COL5A2: variants seen among roughly 807,000 people sequenced by gnomAD.
COL5A2 encodes collagen type V alpha 2 chain.
COL5A2 carries 23 observed loss-of-function variants against 208.2 expected under a neutral mutation model. That is an observed-to-expected ratio of 0.11 (90% CI 0.08 to 0.16). The LOEUF (loss-of-function observed/expected upper bound fraction) is 0.16. COL5A2 is among the 10% of genes least tolerant of loss of function. COL5A2 has a pLI of 1.00. For synonymous variants in COL5A2, 625 were observed against 628.5 expected (o/e 0.99, Z 0.08); for missense variants, 1,590 against 1,956.4 (o/e 0.81, Z 3.53).
At chr2:189,058,028 A>G (rs1481146947) in intron 33 of COL5A2, among the ~76,000 whole-genome samples, 2 of 152,328 alleles carry the variant, frequency 1.3e-5, no homozygotes, top group Non-Finnish European at 2.9e-5. Context: ...ATTTTCACAT[A>G]TGTAGTAAGC....
chr2:189,390,172 G>A, the COL5A2 span, among the ~76,000 whole-genome samples: 1 of 151,862 alleles, frequency 6.6e-6, no homozygotes, highest in Non-Finnish European at 1.5e-5. Flanking sequence ...CTGCCTGTGT[G>A]TTGAACTGTA....
At chr2:189,210,017 G>C (rs1440713049) in intron 1 of COL5A2, among the ~76,000 whole-genome samples, 2 of 152,140 alleles carry the variant, frequency 1.3e-5, no homozygotes, top group African/African-American at 4.8e-5. Context: ...AAAAGAGTGA[G>C]CTGAGTTTTC....
the COL5A2 span, among the ~76,000 whole-genome samples, chr2:189,295,520 C>A: frequency 6.6e-6 from 1 of 152,116 alleles, no homozygotes; most frequent in Non-Finnish European, 1.5e-5. Flanking sequence ...GAGGCTGAGG[C>A]AGGAGAATCA....
At chr2:189,148,711 T>A (rs1688087684) in intron 1 of COL5A2, among the ~76,000 whole-genome samples, 1 of 152,226 alleles carries the variant, frequency 6.6e-6, no homozygotes, top group African/African-American at 2.4e-5. Context: ...TAGGTGAATC[T>A]TCATTTTTCC....
At position 189,063,269 on chromosome 2, in the gene COL5A2, C is replaced by A. The variant is rs77243400; in HGVS notation, c.1772G>T (p.Gly591Val). The A allele has an allele frequency of 1.9e-6, 3 of 1,613,304 alleles. No individual in the cohort carries two copies. Among genetic ancestry groups the A allele is most frequent in the Non-Finnish European group, 2.5e-6 (3 of 1,179,570 alleles). Residue 591 changes from glycine (G) to valine (V), a missense_variant and splice_region_variant, in exon 27 of 54, where the codon GGT becomes GTT. Coordinates refer to ENST00000374866, the MANE Select transcript of COL5A2 (RefSeq NM_000393.5). ...TGGACGGCCATCTTCCCCTGGCGCA[C>A]CCTATAGAATTGACAGGAGCCATGT... Reference protein sequence around the residue: ...QGPEGKLGPLGAPGEDGRPGP... With the variant: ...QGPEGKLGPLVAPGEDGRPGP...
chr2:189,144,018 C>G (rs573574919), intron 1 of COL5A2, among the ~76,000 whole-genome samples: 1 of 152,024 alleles, frequency 6.6e-6, no homozygotes, highest in East Asian at 1.9e-4. Context: ...ATCTGTTTCC[C>G]AGATCTTTAG....
rs1285123009 is a variant in COL5A2 at position 189,098,814 on chromosome 2, A to G, written c.370-55T>C. 1.8e-5 allele frequency: 23 copies of G among 1,294,758 alleles called. No individual in the cohort carries two copies. The Admixed American group carries it at 3.9e-4, about 22-fold the overall frequency. 80.2% of individuals were successfully genotyped at this position (1,294,758 alleles called of 1,614,324 possible). A position where few individuals can be genotyped will look rare whatever the true frequency, so the allele number is the denominator to read the frequency against. ...GTAAAGTTTCTGCAGATATTCAGAGAGGTCAATAGTAACAAATAAGAATAA... is the reference window on the plus strand; with the variant it reads ...GTAAAGTTTCTGCAGATATTCAGAGGGGTCAATAGTAACAAATAAGAATAA... On this transcript the variant is annotated intron_variant, in intron 4 of 53. Coordinates refer to ENST00000374866, the MANE Select transcript of COL5A2 (RefSeq NM_000393.5).
rs1685670136 is a variant in COL5A2, at chr2:189,046,467, T to C, written c.3202-560A>G. Among the ~76,000 whole-genome samples, 3 of 152,190 alleles carry C rather than the reference T, an allele frequency of 2.0e-5. 1 individual carries two copies. In the South Asian group the frequency reaches 6.2e-4, roughly 32 times the overall value. On this transcript the variant is annotated intron_variant, in intron 45 of 53. Coordinates refer to ENST00000374866, the MANE Select transcript of COL5A2 (RefSeq NM_000393.5). The stretch of plus-strand genomic sequence containing the variant: ...CAATGTCCCAAGGAATAAATACCTC[T>C]AGGCACTGAACTAAGGGACTTTTCC...
chr2:189,370,578 C>A, the COL5A2 span, among the ~76,000 whole-genome samples: 1 of 152,110 alleles, frequency 6.6e-6, no homozygotes, highest in Non-Finnish European at 1.5e-5. Context: ...TAAAGCCACA[C>A]ACAACACGTG....
At position 189,063,267 on chromosome 2, in the gene COL5A2, C is replaced by T. The variant is rs930995205; in HGVS notation, c.1774G>A (p.Ala592Thr). Reference sequence around the variant, plus strand: ...CCTGGACGGCCATCTTCCCCTGGCGCACCCTATAGAATTGACAGGAGCCAT... The same window carrying T: ...CCTGGACGGCCATCTTCCCCTGGCGTACCCTATAGAATTGACAGGAGCCAT... ...GPEGKLGPLG[A>T]PGEDGRPGPP... is the part of the protein sequence containing the mutation. Residue 592 changes from alanine to threonine, a missense_variant, in exon 27 of 54, where the codon GCG becomes ACG. Ala to Thr is a moderately conservative substitution (Grantham distance 58, BLOSUM62 0). Coordinates refer to ENST00000374866, the MANE Select transcript of COL5A2 (RefSeq NM_000393.5). 4 of 1,613,316 alleles carry T rather than the reference C, an allele frequency of 2.5e-6. No individual in the cohort carries two copies. In the African/African-American group the frequency reaches 4.0e-5, roughly 16 times the overall value.
the COL5A2 span, among the ~76,000 whole-genome samples, chr2:189,360,455 G>A: frequency 6.6e-6 from 1 of 151,926 alleles, no homozygotes; most frequent in Non-Finnish European, 1.5e-5. Context: ...TTTTCTCTAG[G>A]AAATTTTTAA....
At chr2:189,215,540 CT>C (rs1018142314) in intron 1 of COL5A2, among the ~76,000 whole-genome samples, 4 of 151,272 alleles carry the variant, frequency 2.6e-5, no homozygotes, top group African/African-American at 9.7e-5. Context: ...TTATTTACAC[CT>C]GTTTCTTTTT....
chr2:189,313,222 C>T, the COL5A2 span, among the ~76,000 whole-genome samples: 122 of 151,950 alleles, frequency 8.0e-4, no homozygotes, highest in African/African-American at 2.7e-3. Context: ...GTAAACAGAC[C>T]GAATCTATGA....
chr2:189,321,696 A>G, the COL5A2 span, among the ~76,000 whole-genome samples: 1 of 152,172 alleles, frequency 6.6e-6, no homozygotes, highest in Non-Finnish European at 1.5e-5. Context: ...TTAGACCTAC[A>G]AAGAGACTTA....
intron 35 of COL5A2, among the ~76,000 whole-genome samples, chr2:189,055,651 T>G (rs1685886695): frequency 6.6e-6 from 1 of 152,220 alleles, no homozygotes; most frequent in Non-Finnish European, 1.5e-5. Context: ...TTTATAGATT[T>G]TTTATACAGA....
intron 1 of COL5A2, among the ~76,000 whole-genome samples, chr2:189,210,611 T>C (rs1689200666): frequency 6.6e-6 from 1 of 152,202 alleles, no homozygotes; most frequent in Non-Finnish European, 1.5e-5. Flanking sequence ...CCAAATTCCA[T>C]CAAAGTGCTT....
At chr2:189,310,527 A>C in the COL5A2 span, among the ~76,000 whole-genome samples, 1 of 152,208 alleles carries the variant, frequency 6.6e-6, no homozygotes, top group Non-Finnish European at 1.5e-5. Context: ...TTCCTCAAAA[A>C]ACTAAAAATT....
At chr2:189,080,566 A>G (rs1159838170) in intron 13 of COL5A2, among the ~76,000 whole-genome samples, 7 of 152,142 alleles carry the variant, frequency 4.6e-5, no homozygotes, top group African/African-American at 1.4e-4. Flanking sequence ...ATCTTCAGTA[A>G]TAAGGAAGGC....
upstream of COL5A2, among the ~76,000 whole-genome samples, chr2:189,229,398 T>C (rs1689454076): frequency 6.6e-6 from 1 of 150,856 alleles, no homozygotes; most frequent in East Asian, 2.0e-4. Context: ...ATCTTGTATG[T>C]AGAAAATCCT....
Sources: gnomAD v4.1 joint callset for allele counts (sites outside exome capture counted in the v4.1 genomes callset) on GRCh38, gnomAD v4.1.1 for gene constraint, MANE v1.5 for transcripts, NCBI Gene and HGNC (gene_info 2026-07-23, HGNC 2026-07-21) for gene names.